Variants in KCNH8 observed in about 807,000 individuals in gnomAD.
KCNH8 encodes the protein potassium voltage-gated channel subfamily H member 8.
KCNH8 carries 70 observed loss-of-function variants against 103.6 expected under a neutral mutation model. That is an observed-to-expected ratio of 0.68 (90% CI 0.56 to 0.82). The LOEUF is 0.82. Ranked by LOEUF, KCNH8 falls within the 40% of genes least tolerant of loss-of-function variation. KCNH8 has a pLI of 0.00. For missense variants in KCNH8, 1,217 were observed against 1,329.9 expected (o/e 0.92, Z 1.32); for synonymous variants, 498 against 489.4 (o/e 1.02, Z -0.23).
At chr3:19,268,324 G>A (rs1464366558) in intron 2 of KCNH8, among the ~76,000 whole-genome samples, 2 of 152,042 alleles carry the variant, frequency 1.3e-5, no homozygotes, top group East Asian at 3.9e-4. Flanking sequence ...GACTTTTGAA[G>A]GATGAGTAGA....
intron 3 of KCNH8, among the ~76,000 whole-genome samples, chr3:19,294,302 G>A (rs568901305): frequency 2.6e-5 from 4 of 152,158 alleles, no homozygotes; most frequent in Non-Finnish European, 5.9e-5. Flanking sequence ...TTAAATCTAC[G>A]GTGATTGATA....
At chr3:19,503,301 G>A (rs1007847924) in intron 11 of KCNH8, among the ~76,000 whole-genome samples, 10 of 152,220 alleles carry the variant, frequency 6.6e-5, no homozygotes, top group Admixed American at 3.9e-4. Flanking sequence ...AGGATGTGGA[G>A]AAATAGGAAC....
At chr3:19,268,398 C>T (rs2064542980) in intron 2 of KCNH8, among the ~76,000 whole-genome samples, 1 of 152,006 alleles carries the variant, frequency 6.6e-6, no homozygotes, top group South Asian at 2.1e-4. Flanking sequence ...ATGCAAAGTT[C>T]CTGGGAGAGA....
chr3:19,411,993 C>G (rs1428826687), intron 7 of KCNH8, among the ~76,000 whole-genome samples: 1 of 151,628 alleles, frequency 6.6e-6, no homozygotes, highest in Non-Finnish European at 1.5e-5. Context: ...ATTAAACTAC[C>G]AACATCTTCT....
chr3:19,366,972 G>T (rs988447245), intron 5 of KCNH8, among the ~76,000 whole-genome samples: 2 of 151,996 alleles, frequency 1.3e-5, no homozygotes, highest in African/African-American at 4.8e-5. Flanking sequence ...CCAAAATGAT[G>T]TCACCCAAGA....
At position 19,148,511 on chromosome 3, in the gene KCNH8, C is replaced by A; in HGVS notation, c.-209C>A. 1 of 589,334 alleles carries A rather than the reference C, an allele frequency of 1.7e-6. No homozygotes were observed. Among genetic ancestry groups the A allele is most frequent in the Non-Finnish European group, 3.0e-6 (1 of 329,270 alleles). 36.5% of individuals were successfully genotyped at this position (589,334 alleles called of 1,614,324 possible). On this transcript the variant is annotated 5_prime_UTR_variant, in exon 1 of 16. Transcript: ENST00000328405. ...AGGTGCGGGGCGGGCTCGGGGAGCG[C>A]TCTTGGGGCTCCTCCTGCCACAGCC...
At chr3:19,291,607 G>T (rs1400762668) in intron 3 of KCNH8, among the ~76,000 whole-genome samples, 2 of 152,200 alleles carry the variant, frequency 1.3e-5, no homozygotes, top group African/African-American at 2.4e-5. Context: ...TGGTCTGAGA[G>T]ACAGTTTGTT....
intron 1 of KCNH8, among the ~76,000 whole-genome samples, chr3:19,189,267 A>C (rs943492815): frequency 1.3e-5 from 2 of 152,060 alleles, no homozygotes; most frequent in Non-Finnish European, 2.9e-5. Flanking sequence ...TTATGAATAC[A>C]TTTATAAATA....
At chr3:19,167,509 A>T (rs1181047262) in intron 1 of KCNH8, among the ~76,000 whole-genome samples, 1 of 152,206 alleles carries the variant, frequency 6.6e-6, no homozygotes, top group Non-Finnish European at 1.5e-5. Context: ...TAAATTTGAG[A>T]CCAAGGAATG....
chr3:19,291,375 G>A (rs2064922905), intron 3 of KCNH8, among the ~76,000 whole-genome samples: 1 of 152,050 alleles, frequency 6.6e-6, no homozygotes, highest in South Asian at 2.1e-4. Flanking sequence ...TCTCTTGTGG[G>A]CATTTAGTGC....
chr3:19,520,081 C>G (rs1427299280), intron 15 of KCNH8, among the ~76,000 whole-genome samples: 1 of 148,570 alleles, frequency 6.7e-6, no homozygotes, highest in Non-Finnish European at 1.5e-5. Flanking sequence ...GATTTCTTTT[C>G]TTTTTTTTTA....
In KCNH8 at chr3:19,521,517, G is replaced by A. The variant is rs114808560; in HGVS notation, c.2619+3443G>A. Among the ~76,000 whole-genome samples the A allele has an allele frequency of 9.9e-3, 1,498 of 151,944 alleles. 9 individuals carry two copies. The highest frequency in any genetic ancestry group is 0.017 in the South Asian group (82 of 4,828). ...AAGGTTATGCTTTGATTCAACAAAC[G>A]GTGACTCTCATATAAGCACCCTCCT... On this transcript the variant is annotated intron_variant, in intron 15 of 15. Transcript: ENST00000328405.
intron 11 of KCNH8, among the ~76,000 whole-genome samples, chr3:19,506,173 C>T (rs2068689253): frequency 1.3e-5 from 2 of 152,138 alleles, no homozygotes; most frequent in Admixed American, 1.3e-4. Context: ...CGATTTCAAC[C>T]CAGTTAGGAA....
intron 11 of KCNH8, among the ~76,000 whole-genome samples, chr3:19,472,285 G>A (rs1276343605): frequency 6.7e-6 from 1 of 148,264 alleles, no homozygotes. Context: ...GAACACAAAG[G>A]CACTTTATAT....
At chr3:19,211,680 C>G (rs1250065904) in intron 1 of KCNH8, among the ~76,000 whole-genome samples, 1 of 152,088 alleles carries the variant, frequency 6.6e-6, no homozygotes, top group Non-Finnish European at 1.5e-5. Context: ...TAACACATAG[C>G]CAGCAGGCCT....
intron 3 of KCNH8, among the ~76,000 whole-genome samples, chr3:19,297,551 A>C (rs2065012237): frequency 6.6e-6 from 1 of 152,206 alleles, no homozygotes; most frequent in Non-Finnish European, 1.5e-5. Flanking sequence ...ACAGTGACAT[A>C]TATTCCTATT....
chr3:19,441,132 C>G (rs1244721974), intron 8 of KCNH8, among the ~76,000 whole-genome samples: 2 of 152,130 alleles, frequency 1.3e-5, no homozygotes, highest in Admixed American at 6.5e-5. Context: ...AGCCTTCATT[C>G]TCAGAACCAA....
chr3:19,282,619 C>G (rs2064772837), intron 3 of KCNH8, among the ~76,000 whole-genome samples: 1 of 152,038 alleles, frequency 6.6e-6, no homozygotes, highest in African/African-American at 2.4e-5. Flanking sequence ...TTTGATTAAC[C>G]TTTAACTGAC....
intron 1 of KCNH8, among the ~76,000 whole-genome samples, chr3:19,226,220 G>A (rs568631999): frequency 6.6e-6 from 1 of 152,238 alleles, no homozygotes; most frequent in African/African-American, 2.4e-5. Flanking sequence ...ACAGCTTTAG[G>A]CAAAAGCAGT....
Sources: allele counts gnomAD v4.1 joint callset (sites outside exome capture counted in the v4.1 genomes callset), GRCh38; gene constraint gnomAD v4.1.1; transcripts MANE v1.5; gene names NCBI Gene and HGNC (gene_info 2026-07-23, HGNC 2026-07-21).